GTPBP6: variants seen among roughly 807,000 people sequenced by gnomAD.
GTPBP6 encodes putative GTP-binding protein 6.
A neutral mutation model predicts 28.9 loss-of-function variants in GTPBP6; 33 were observed. The ratio of observed to expected loss-of-function variants is 1.14; its 90% CI spans 0.87 to 1.53. GTPBP6 has a LOEUF of 1.53. Ranked by LOEUF, GTPBP6 falls within the 40% of genes most tolerant of loss-of-function variation. GTPBP6 has a pLI of 0.00. For synonymous variants in GTPBP6, 231 were observed against 192.7 expected, an observed-to-expected ratio of 1.20 and a Z score of -1.65; for missense variants, 507 against 408.3, an observed-to-expected ratio of 1.24 and a Z score of -2.08.
chrX:311,855 A>T (rs935556883), intron 6 of GTPBP6: 1 of 243,292 alleles, frequency 4.1e-6, no homozygotes, highest in African/African-American at 2.8e-5. Context: ...GACACGGGGG[A>T]GATGGTGGTG....
At position 307,558 on chromosome X, in the gene GTPBP6, C is replaced by T. The variant is rs777369142; in HGVS notation, c.1275-46G>A. 6.3e-6 allele frequency: 10 copies of T among 1,594,278 alleles called. No individual in the cohort carries two copies. The South Asian group carries it at 1.1e-4, about 18-fold the overall frequency. On this transcript the variant is annotated intron_variant, in intron 8 of 9. Coordinates refer to ENST00000326153, the Ensembl canonical transcript of GTPBP6. ...CAGGCCCCGCTCAGCGTCGGGGCGG[C>T]CGGACGAAATCAGGGTCCCCAGGAG...
chrX:315,159 A>T, intron 3 of GTPBP6, 70 bp downstream of exon 3: 4 of 364,044 alleles, frequency 1.1e-5, no homozygotes, highest in Non-Finnish European at 1.9e-5. Flanking sequence ...GCCTGGCCGG[A>T]CGCCGTGGCG....
chrX:306,914 C>T (rs1410188256), intron 9 of GTPBP6, among the ~76,000 whole-genome samples: 1 of 83,328 alleles, frequency 1.2e-5, no homozygotes, highest in Non-Finnish European at 2.7e-5. Context: ...ACAGATTAGG[C>T]ACCTGTTGTA....
chrX:311,272 C>T (rs867273108), intron 7 of GTPBP6, 147 bp downstream of exon 7: 1 of 300,328 alleles, frequency 3.3e-6, no homozygotes, highest in Admixed American at 6.5e-5. Flanking sequence ...GAGGGCCTGG[C>T]CCCTGGGCTG....
In GTPBP6 at chrX:312,002, G is replaced by A. The variant is rs2070310990; in HGVS notation, c.917-375C>T. 6 of 520,334 alleles carry A rather than the reference G, an allele frequency of 1.2e-5. No homozygotes were observed. In the Admixed American group the frequency reaches 1.3e-4, roughly 11 times the overall value. The allele number at this position is 520,334 out of a possible 1,614,324, so 32.2% of individuals were successfully genotyped here. ...GGAGGATGGTGTAGACACAGGGGAG[G>A]TGATGGTGTAGATGGGTGGATATAG... On this transcript the variant is annotated intron_variant, in intron 6 of 9. Transcript: ENST00000326153.
In GTPBP6 at chrX:304,779, C is replaced by T. The variant is rs2070117632; in HGVS notation, c.*295G>A. ...GGAAGTAAAATCAAAGGTTTAATGTCCTGTTACGGAAACATTCCGAGGGAA... is the reference window on the plus strand; with the variant it reads ...GGAAGTAAAATCAAAGGTTTAATGTTCTGTTACGGAAACATTCCGAGGGAA... On this transcript the variant is annotated 3_prime_UTR_variant, in exon 10 of 10. Transcript: ENST00000326153. 2.3e-6 allele frequency: 3 copies of T among 1,309,284 alleles called. No homozygotes were observed. In the South Asian group the frequency reaches 6.3e-5, roughly 27 times the overall value. 81.1% of individuals were successfully genotyped at this position (1,309,284 alleles called of 1,614,324 possible).
exon 9 of GTPBP6, chrX:307,386 A>G (rs1000079997): frequency 6.2e-7 from 1 of 1,612,268 alleles, no homozygotes; most frequent in East Asian, 2.2e-5. Context: ...CGAGCCTCAC[A>G]CGGAGAGTGA....
At chrX:312,826 G>A (rs34297062) in exon 6 of GTPBP6, 113,083 of 1,612,360 alleles carry the variant, frequency 0.07, 4,264 homozygotes, top group East Asian at 0.085. Context: ...CGCTGCCGGC[G>A]GAGCAGGTGC....
intron 9 of GTPBP6, among the ~76,000 whole-genome samples, chrX:306,012 C>G (rs1441251960): frequency 6.6e-6 from 1 of 152,210 alleles, no homozygotes; most frequent in African/African-American, 2.4e-5. Context: ...AATCCTCCTG[C>G]CTCGGCCTCC....
chrX:305,417 G>T (rs759526998), intron 9 of GTPBP6, among the ~76,000 whole-genome samples: 2 of 151,470 alleles, frequency 1.3e-5, no homozygotes, highest in East Asian at 3.9e-4. Flanking sequence ...CACCTCCCGG[G>T]TTCAAGTGAT....
At chrX:307,619 C>G (rs1039998763) in intron 8 of GTPBP6, 107 bp from the exon 9 acceptor site, 2 of 1,438,902 alleles carry the variant, frequency 1.4e-6, no homozygotes, top group African/African-American at 1.4e-5. Flanking sequence ...GGGCCACTCC[C>G]TGTGTCCTGA....
At chrX:307,113 A>C (rs186121291) in intron 9 of GTPBP6, among the ~76,000 whole-genome samples, 1 of 150,196 alleles carries the variant, frequency 6.7e-6, no homozygotes, top group African/African-American at 2.5e-5. Flanking sequence ...TTTGACTGTC[A>C]GCACAGATTA....
intron 3 of GTPBP6, 87 bp downstream of exon 3, chrX:315,142 G>A (rs1169898524): frequency 7.6e-6 from 3 of 396,712 alleles, no homozygotes; most frequent in Admixed American, 9.0e-5. Context: ...GTCCCCATCT[G>A]TCCCCCGCCT....
At chrX:305,554 T>A (rs28507534) in intron 9 of GTPBP6, among the ~76,000 whole-genome samples, 1 of 144,650 alleles carries the variant, frequency 6.9e-6, no homozygotes, top group African/African-American at 2.7e-5. Context: ...ATCTCCTGAC[T>A]TCGTGATCCA....
intron 2 of GTPBP6, among the ~76,000 whole-genome samples, chrX:315,586 A>G (rs2070416843): frequency 1.4e-5 from 1 of 70,666 alleles, no homozygotes; most frequent in Non-Finnish European, 3.0e-5. Flanking sequence ...ACACACACAC[A>G]GTAAATACAT....
At position 314,143 on chromosome X, in the gene GTPBP6, G is replaced by A. The variant is rs376087719; in HGVS notation, c.757+7C>T. The A allele has an allele frequency of 5.4e-4, 871 of 1,607,622 alleles. 3 individuals carry two copies. In the Middle Eastern group the frequency reaches 0.012, roughly 22 times the overall value. Reference sequence around the variant, plus strand: ...CCCTCTGGGACGCCGCGCCCGGCCCGAGTTACCTGACCCCATGATGTAGCG... The same window carrying A: ...CCCTCTGGGACGCCGCGCCCGGCCCAAGTTACCTGACCCCATGATGTAGCG... On this transcript the variant is annotated splice_region_variant and intron_variant, in intron 5 of 9. Transcript: ENST00000326153.
At chrX:317,980 C>G (rs1393596566) in intron 1 of GTPBP6, among the ~76,000 whole-genome samples, 1 of 147,522 alleles carries the variant, frequency 6.8e-6, no homozygotes, top group Non-Finnish European at 1.5e-5. Context: ...AGCTCTTCCC[C>G]TCAGAGCCCC....
At chrX:318,570 G>C (rs2070483432) in exon 1 of GTPBP6, 2 of 398,124 alleles carry the variant, frequency 5.0e-6, no homozygotes, top group Non-Finnish European at 8.9e-6. Flanking sequence ...CGCATCTTCC[G>C]GCTCCTCCTC....
At chrX:313,113 G>A (rs1411146240) in intron 5 of GTPBP6, among the ~76,000 whole-genome samples, 189 bp from the exon 6 acceptor site, 3 of 152,228 alleles carry the variant, frequency 2.0e-5, no homozygotes, top group Non-Finnish European at 4.4e-5. Context: ...CGGCGGAACG[G>A]GATCTCGCCT....
Sources: allele counts gnomAD v4.1 joint callset (sites outside exome capture counted in the v4.1 genomes callset), GRCh38; gene constraint gnomAD v4.1.1; transcripts MANE v1.5; gene names NCBI Gene and HGNC (gene_info 2026-07-23, HGNC 2026-07-21).